The following CCSER1 variants were observed in gnomAD, a reference collection of about 807,000 sequenced individuals.
CCSER1 encodes the protein serine-rich coiled-coil domain-containing protein 1.
CCSER1 carries 41 observed loss-of-function variants against 82.0 expected under a neutral mutation model. The observed-to-expected ratio is 0.50, with a 90% confidence interval of 0.39 to 0.65. The LOEUF is 0.65. CCSER1 is among the 30% of genes least tolerant of loss of function. The pLI is 0.00. For missense variants in CCSER1, 1,119 were observed against 1,064.2 expected (o/e 1.05, Z -0.72); for synonymous variants, 414 against 383.9 (o/e 1.08, Z -0.92).
intron 9 of CCSER1, among the ~76,000 whole-genome samples, chr4:90,997,986 G>T (rs192398086): frequency 2.3e-3 from 357 of 152,122 alleles, no homozygotes; most frequent in African/African-American, 7.4e-3. Flanking sequence ...AATAAAATAT[G>T]CTCACTAGAA....
At chr4:91,065,808 A>G (rs1333381713) in intron 9 of CCSER1, among the ~76,000 whole-genome samples, 2 of 152,126 alleles carry the variant, frequency 1.3e-5, no homozygotes, top group Non-Finnish European at 2.9e-5. Flanking sequence ...ACCGAATCAT[A>G]CTGAAAAATT....
At chr4:90,383,286 A>G (rs1472807240) in intron 3 of CCSER1, among the ~76,000 whole-genome samples, 2 of 152,120 alleles carry the variant, frequency 1.3e-5, no homozygotes, top group Admixed American at 6.5e-5. Context: ...GTAAAGTATC[A>G]TTTGAATACA....
intron 1 of CCSER1, among the ~76,000 whole-genome samples, chr4:90,259,379 A>G (rs1488291959): frequency 6.6e-6 from 1 of 151,976 alleles, no homozygotes; most frequent in Non-Finnish European, 1.5e-5. Flanking sequence ...ATGAGTATTT[A>G]TGGTTTTCTA....
At chr4:91,036,627 A>T (rs1741454232) in intron 9 of CCSER1, among the ~76,000 whole-genome samples, 1 of 152,170 alleles carries the variant, frequency 6.6e-6, no homozygotes, top group Admixed American at 6.6e-5. Context: ...GAAAGGTAAA[A>T]ACCTAAAGTG....
At chr4:90,555,581 T>G (rs187812834) in intron 5 of CCSER1, among the ~76,000 whole-genome samples, 1 of 152,200 alleles carries the variant, frequency 6.6e-6, no homozygotes, top group African/African-American at 2.4e-5. Flanking sequence ...CCTTTGCAAG[T>G]GTCAGAATGA....
intron 3 of CCSER1, among the ~76,000 whole-genome samples, chr4:90,391,467 T>TATAC (rs1751073780): frequency 1.1e-5 from 1 of 89,860 alleles, no homozygotes; most frequent in African/African-American, 6.5e-5. Flanking sequence ...TATATATATA[T>TATAC]ATATATATAT....
rs565607305 is a variant in CCSER1 at position 90,481,524 on chromosome 4, A to C, written c.1724+13170A>C. ...TGTGGGTTTGTCATAGAAAGCGCTT[A>C]TTATTTTGAGATATGTCCCATCAAT... On this transcript the variant is annotated intron_variant, in intron 5 of 10. Transcript: ENST00000509176. 5.3e-5 allele frequency among the ~76,000 whole-genome samples: 8 copies of C among 152,278 alleles called. No individual in the cohort carries two copies. In the South Asian group the frequency reaches 1.7e-3, roughly 32 times the overall value.
At chr4:91,074,443 G>A (rs72886674) in intron 9 of CCSER1, among the ~76,000 whole-genome samples, 1,594 of 152,174 alleles carry the variant, frequency 0.01, 26 homozygotes, top group African/African-American at 0.036. Flanking sequence ...ACTGTGCTGC[G>A]TTTTATAAAG....
At chr4:90,577,729 C>A (rs1780923674) in intron 5 of CCSER1, among the ~76,000 whole-genome samples, 1 of 151,912 alleles carries the variant, frequency 6.6e-6, no homozygotes, top group South Asian at 2.1e-4. Context: ...TTTAAGAGTT[C>A]CTCTGAACCC....
chr4:90,806,021 C>G lies in CCSER1; in HGVS notation c.2011-9741C>G, dbSNP rs375587980. On this transcript the variant is annotated intron_variant, in intron 7 of 10. Coordinates refer to ENST00000509176, the MANE Select transcript of CCSER1 (RefSeq NM_001145065.2). ...GAGTTGTTTAAAGGCTTTCATTTTG[C>G]CTGCTAGATAGATATTTTAGGTTGG... Among the ~76,000 whole-genome samples the G allele has an allele frequency of 2.8e-3, 427 of 152,090 alleles. 2 individuals carry two copies. Among genetic ancestry groups the G allele is most frequent in the African/African-American group, 9.8e-3 (404 of 41,420 alleles).
chr4:91,406,252 C>A (rs1017231773), intron 10 of CCSER1, among the ~76,000 whole-genome samples: 4 of 152,126 alleles, frequency 2.6e-5, no homozygotes, highest in African/African-American at 9.7e-5. Context: ...GCAATTCATG[C>A]TTTGCATCAC....
Position 90,538,105 on chromosome 4 carries a change from T to A in CCSER1, c.1724+69751T>A, listed in dbSNP as rs572568425. ...TGCTCTGATCTGCACAGATATCTTTTCATTCTTTTCAGATATAAGGTGGAT... is the reference window on the plus strand; with the variant it reads ...TGCTCTGATCTGCACAGATATCTTTACATTCTTTTCAGATATAAGGTGGAT... On this transcript the variant is annotated intron_variant, in intron 5 of 10. Coordinates refer to ENST00000509176, the MANE Select transcript of CCSER1 (RefSeq NM_001145065.2). Among the ~76,000 whole-genome samples, 17 of 152,264 alleles carry A rather than the reference T, an allele frequency of 1.1e-4. No homozygotes were observed. The South Asian group carries it at 3.3e-3, about 30-fold the overall frequency.
At chr4:91,145,344 G>A (rs116383797) in intron 10 of CCSER1, among the ~76,000 whole-genome samples, 3 of 151,972 alleles carry the variant, frequency 2.0e-5, no homozygotes, top group Non-Finnish European at 4.4e-5. Flanking sequence ...TGAGCCTATT[G>A]GTGTCATAAC....
At chr4:91,465,657 A>G (rs190067874) in intron 10 of CCSER1, among the ~76,000 whole-genome samples, 7 of 152,336 alleles carry the variant, frequency 4.6e-5, no homozygotes, top group Admixed American at 4.6e-4. Context: ...GCAATAAAAA[A>G]TGATAAAGGG....
chr4:90,927,612 T>C (rs542264734), intron 9 of CCSER1, among the ~76,000 whole-genome samples: 15 of 152,002 alleles, frequency 9.9e-5, no homozygotes, highest in Non-Finnish European at 1.9e-4. Context: ...TGGGATTTGC[T>C]TTATAAATAC....
chr4:91,243,206 C>G (rs72669301), intron 10 of CCSER1, among the ~76,000 whole-genome samples: 22,571 of 152,146 alleles, frequency 0.15, 1,970 homozygotes, highest in African/African-American at 0.25. Flanking sequence ...CTGGAGGGAG[C>G]ATTTCAACCA....
chr4:91,305,420 G>A (rs1194311610), intron 10 of CCSER1, among the ~76,000 whole-genome samples: 1 of 151,990 alleles, frequency 6.6e-6, no homozygotes, highest in Non-Finnish European at 1.5e-5. Context: ...TATAAAATAT[G>A]TATCTTTGCA....
chr4:90,630,382 T>A (rs549022480), intron 6 of CCSER1, among the ~76,000 whole-genome samples: 139 of 152,340 alleles, frequency 9.1e-4, no homozygotes, highest in African/African-American at 3.2e-3. Flanking sequence ...CAAGAGGCTT[T>A]CTTAGAGTAC....
At chr4:91,298,548 C>T (rs1355847970) in intron 10 of CCSER1, among the ~76,000 whole-genome samples, 1 of 151,868 alleles carries the variant, frequency 6.6e-6, no homozygotes, top group Non-Finnish European at 1.5e-5. Context: ...ATGTGGTTTC[C>T]AGGATTCAGG....
Sources: gnomAD v4.1 joint callset for allele counts (sites outside exome capture counted in the v4.1 genomes callset) on GRCh38, gnomAD v4.1.1 for gene constraint, MANE v1.5 for transcripts, NCBI Gene and HGNC (gene_info 2026-07-23, HGNC 2026-07-21) for gene names.